The following ASF1B variants were observed in gnomAD, a reference collection of about 807,000 sequenced individuals.
The protein encoded by ASF1B is histone chaperone ASF1B.
A neutral mutation model predicts 16.6 loss-of-function variants in ASF1B; 10 were observed. The ratio of observed to expected loss-of-function variants is 0.60; its 90% CI spans 0.37 to 1.02. The LOEUF (loss-of-function observed/expected upper bound fraction) is 1.02, where lower values mean the gene tolerates loss of function less well. ASF1B is among the 50% of genes least tolerant of loss of function. ASF1B has a pLI of 0.01. For synonymous variants in ASF1B, 101 were observed against 106.2 expected (o/e 0.95, Z 0.30); for missense variants, 240 against 266.0 (o/e 0.90, Z 0.68).
rs2144508348 is a variant in ASF1B, at chr19:14,121,614, A to G, written c.320T>C (p.Ile107Thr). ...ITCTYHGQEF[I>T]RVGYYVNNEY... ...GTTGTTGACGTAGTAGCCCACTCGG[A>G]TGAACTCCTGTCCATGGTAGGTGCA... is the stretch of plus-strand genomic sequence containing the variant. Residue 107 changes from isoleucine (I) to threonine (T), a missense_variant, in exon 3 of 4, where the codon ATC becomes ACC. Transcript: ENST00000263382. 1.2e-6 allele frequency: 2 copies of G among 1,613,974 alleles called. No homozygotes were observed. Among genetic ancestry groups the G allele is most frequent in the East Asian group, 2.2e-5 (1 of 44,842 alleles).
Position 14,120,318 on chromosome 19 carries a change from C to T in ASF1B, c.*141G>A. On this transcript the variant is annotated 3_prime_UTR_variant, in exon 4 of 4. Coordinates refer to ENST00000263382, the MANE Select transcript of ASF1B (RefSeq NM_018154.3). ...GGCCAGGACTAGGGGAGACCCAAGG[C>T]CTGTTCTTTCCTAGGGGCTGAGTTT... 2.6e-6 allele frequency: 2 copies of T among 760,252 alleles called. No individual in the cohort carries two copies. Among genetic ancestry groups the T allele is most frequent in the South Asian group, 1.7e-5 (1 of 57,362 alleles). 47.1% of individuals were successfully genotyped at this position (760,252 alleles called of 1,614,324 possible).
At chr19:14,127,681 G>C (rs1046651513) in intron 1 of ASF1B, among the ~76,000 whole-genome samples, 1 of 151,976 alleles carries the variant, frequency 6.6e-6, no homozygotes, top group African/African-American at 2.4e-5. Context: ...TTGTTGTCCA[G>C]GCTAGAGTGC....
chr19:14,121,654 C>T lies in ASF1B; in HGVS notation c.280G>A (p.Val94Met). The T allele has an allele frequency of 1.9e-6, 3 of 1,613,978 alleles. No individual in the cohort carries two copies. The highest frequency in any genetic ancestry group is 2.5e-6 in the Non-Finnish European group (3 of 1,179,968). ...TGGTAGGTGCAGGTGATGAGGACCA[C>T]AGTCACACCCACGGCATCAGTCTCT... ...IPETDAVGVT[V>M]VLITCTYHGQ... The change falls in exon 3 of 4, where the codon GTG becomes ATG. Residue 94 changes from valine to methionine, a missense_variant. Val to Met is a conservative substitution (Grantham distance 21, BLOSUM62 1). Transcript: ENST00000263382.
At position 14,120,572 on chromosome 19, in the gene ASF1B, G is replaced by C. The variant is rs1267179653; in HGVS notation, c.496C>G (p.Gln166Glu). 3 of 1,613,982 alleles carry C rather than the reference G, an allele frequency of 1.9e-6. No homozygotes were observed. The African/African-American group carries it at 4.0e-5, about 22-fold the overall frequency. The change falls in exon 4 of 4, where the codon CAG (glutamine) becomes GAG (glutamate). Residue 166 changes from glutamine (Q) to glutamate (E), a missense_variant. Physicochemically the swap from Gln to Glu is conservative, Grantham distance 29. Coordinates refer to ENST00000263382, the MANE Select transcript of ASF1B (RefSeq NM_018154.3). ...NMDRLEAIET[Q>E]DPSLGCGLPL... Reference sequence around the variant, plus strand: ...AGGCCGCAGCCCAGGGAGGGGTCCTGGGTCTCTATGGCCTCCAGCCTGTCC... The same window carrying C: ...AGGCCGCAGCCCAGGGAGGGGTCCTCGGTCTCTATGGCCTCCAGCCTGTCC...
chr19:14,127,281 A>C (rs1378203406), intron 1 of ASF1B, among the ~76,000 whole-genome samples: 1 of 152,210 alleles, frequency 6.6e-6, no homozygotes, highest in East Asian at 1.9e-4. Flanking sequence ...GGGCCTCTCA[A>C]GGCCTGAGCG....
In ASF1B at chr19:14,130,787, GTA is replaced by G. The variant is rs61351900; in HGVS notation, c.110-4552_110-4551del. On this transcript the variant is annotated intron_variant, in intron 1 of 3. Transcript: ENST00000263382. ...ACATACCTCCACTGTGTGTTTGTGTGTATATATATATATATATATATATAAAT... is the reference window on the plus strand; with the variant it reads ...ACATACCTCCACTGTGTGTTTGTGTGTATATATATATATATATATATAAAT... Among the ~76,000 whole-genome samples, 473 of 142,290 alleles carry G rather than the reference GTA, an allele frequency of 3.3e-3. 1 individual carries two copies. The highest frequency in any genetic ancestry group is 8.9e-3 in the South Asian group (40 of 4,478). The allele number at this position is 142,290 out of a possible 152,430, so 93.3% of individuals were successfully genotyped here.
rs1228623514 is a variant in ASF1B at position 14,133,108 on chromosome 19, A to G, written c.109+3240T>C. Among the ~76,000 whole-genome samples the G allele has an allele frequency of 1.3e-4, 19 of 150,688 alleles. No individual in the cohort carries two copies. In the Admixed American group the frequency reaches 1.3e-3, roughly 10 times the overall value. On this transcript the variant is annotated intron_variant, in intron 1 of 3. Coordinates refer to ENST00000263382, the MANE Select transcript of ASF1B (RefSeq NM_018154.3). ...GCACTCCAGCCTGGGTGACACAGCG[A>G]GACTCCATCTCAAAAATAAATAAAT... is the stretch of plus-strand genomic sequence containing the variant.
chr19:14,121,723 T>C lies in ASF1B; in HGVS notation c.226-15A>G. The stretch of plus-strand genomic sequence containing the variant: ...GGGGCGTCGGCCTAGGGGAGACACA[T>C]CCTAGGCCTTAGCAGTGCCACAGCC... On this transcript the variant is annotated splice_polypyrimidine_tract_variant and intron_variant, in intron 2 of 3. Transcript: ENST00000263382. The C allele has an allele frequency of 1.2e-6, 2 of 1,607,162 alleles. No homozygotes were observed. Among genetic ancestry groups the C allele is most frequent in the Non-Finnish European group, 1.7e-6 (2 of 1,175,700 alleles).
At chr19:14,129,726 G>T (rs994498355) in intron 1 of ASF1B, among the ~76,000 whole-genome samples, 2 of 108,000 alleles carry the variant, frequency 1.9e-5, no homozygotes, top group Non-Finnish European at 3.9e-5. Flanking sequence ...AAGAAGGAAA[G>T]AAAGGAAGAA....
intron 2 of ASF1B, among the ~76,000 whole-genome samples, 173 bp downstream of exon 2, chr19:14,125,949 C>G (rs1184747272): frequency 6.6e-6 from 1 of 152,164 alleles, no homozygotes; most frequent in Non-Finnish European, 1.5e-5. Context: ...CCTCAGACTC[C>G]CGGGCTCAAG....
At chr19:14,130,939 G>A (rs945194127) in intron 1 of ASF1B, among the ~76,000 whole-genome samples, 10 of 151,802 alleles carry the variant, frequency 6.6e-5, no homozygotes, top group Non-Finnish European at 1.0e-4. Flanking sequence ...GTGCAATGGC[G>A]CAATCTGGGC....
chr19:14,134,250 C>T (rs1967451913), intron 1 of ASF1B, among the ~76,000 whole-genome samples: 1 of 152,222 alleles, frequency 6.6e-6, no homozygotes, highest in Non-Finnish European at 1.5e-5. Flanking sequence ...CGTCATTCTA[C>T]ACTTTATTTA....
At position 14,120,157 on chromosome 19, in the gene ASF1B, A is replaced by G; in HGVS notation, c.*302T>C. On this transcript the variant is annotated 3_prime_UTR_variant, in exon 4 of 4. Coordinates refer to ENST00000263382, the MANE Select transcript of ASF1B (RefSeq NM_018154.3). The stretch of plus-strand genomic sequence containing the variant: ...GAGGTCTGTGGGAAAGCTTTGGATC[A>G]ATGGTACTCAAGGGTGCACAGTGGC... 2 of 317,306 alleles carry G rather than the reference A, an allele frequency of 6.3e-6. No homozygotes were observed. The highest frequency in any genetic ancestry group is 1.2e-5 in the Non-Finnish European group (2 of 171,682). The allele number at this position is 317,306 out of a possible 1,614,324, so 19.7% of individuals were successfully genotyped here.
Position 14,136,572 on chromosome 19 carries a change from C to A in ASF1B, c.-116G>T. 1 of 768,416 alleles carries A rather than the reference C, an allele frequency of 1.3e-6. No homozygotes were observed. Among genetic ancestry groups the A allele is most frequent in the Admixed American group, 2.9e-5 (1 of 34,198 alleles). 47.6% of individuals were successfully genotyped at this position (768,416 alleles called of 1,614,324 possible). A position where few individuals can be genotyped will look rare whatever the true frequency, so the allele number is the denominator to read the frequency against. On this transcript the variant is annotated 5_prime_UTR_variant, in exon 1 of 4. Coordinates refer to ENST00000263382, the MANE Select transcript of ASF1B (RefSeq NM_018154.3). ...GACCAGGTCCACTCCCGCCTCTTCTCTCCGAGAACTGAAGTGCGCACCTAG... is the reference window on the plus strand; with the variant it reads ...GACCAGGTCCACTCCCGCCTCTTCTATCCGAGAACTGAAGTGCGCACCTAG...
intron 1 of ASF1B, among the ~76,000 whole-genome samples, chr19:14,127,729 C>T (rs570849469): frequency 6.1e-4 from 91 of 148,932 alleles, no homozygotes; most frequent in East Asian, 6.0e-4. Context: ...CTCTGCCTCC[C>T]GGGTTCAAGT....
At chr19:14,134,941 A>C (rs548564666) in intron 1 of ASF1B, among the ~76,000 whole-genome samples, 34 of 151,878 alleles carry the variant, frequency 2.2e-4, no homozygotes, top group East Asian at 1.2e-3. Context: ...AAAAAGAAGA[A>C]GACGGGGCAC....
intron 1 of ASF1B, among the ~76,000 whole-genome samples, chr19:14,130,722 ATC>A (rs1271804820): frequency 1.3e-5 from 2 of 151,248 alleles, no homozygotes; most frequent in African/African-American, 2.4e-5. Flanking sequence ...GTCCCATGTT[ATC>A]TCTCTGCGCT....
At chr19:14,124,190 G>T (rs1476139796) in intron 2 of ASF1B, among the ~76,000 whole-genome samples, 2 of 152,042 alleles carry the variant, frequency 1.3e-5, no homozygotes, top group East Asian at 3.9e-4. Flanking sequence ...AGGTCTCGCT[G>T]TCACCCAGAA....
Position 14,135,149 on chromosome 19 carries a change from G to A in ASF1B, c.109+1199C>T, listed in dbSNP as rs139760986. 6.5e-3 allele frequency among the ~76,000 whole-genome samples: 978 copies of A among 151,420 alleles called. 11 individuals are homozygous for A. Among genetic ancestry groups the A allele is most frequent in the African/African-American group, 0.022 (900 of 41,224 alleles). ...TGAGGCAGAAGAATCGCTTGAACTC[G>A]GGAGGTGGAGGTTGCAGTGAGCCGA... is the stretch of plus-strand genomic sequence containing the variant. On this transcript the variant is annotated intron_variant, in intron 1 of 3. Transcript: ENST00000263382.
Sources: allele counts gnomAD v4.1 joint callset (sites outside exome capture counted in the v4.1 genomes callset), GRCh38; gene constraint gnomAD v4.1.1; transcripts MANE v1.5; gene names NCBI Gene and HGNC (gene_info 2026-07-23, HGNC 2026-07-21).